The following RMDN2 variants were observed in gnomAD, a reference collection of about 807,000 sequenced individuals.
RMDN2 encodes regulator of microtubule dynamics protein 2.
Under a neutral mutation model 52.8 loss-of-function variants are expected in RMDN2, and 61 were observed. The observed-to-expected ratio is 1.16, with a 90% CI of 0.94 to 1.43. The LOEUF (loss-of-function observed/expected upper bound fraction) is 1.43, where lower values mean the gene tolerates loss of function less well. Ranked by LOEUF, RMDN2 falls within the 40% of genes most tolerant of loss-of-function variation. The probability of loss-of-function intolerance (pLI) is 0.00; values close to 1 mark genes in which losing one functional copy is unlikely to be tolerated. For missense variants in RMDN2, 592 were observed against 475.3 expected (o/e 1.25, Z -2.28); for synonymous variants, 180 against 153.1 (o/e 1.18, Z -1.30).
At chr2:38,024,527 CAAAT>C (rs1425837299) in intron 10 of RMDN2, among the ~76,000 whole-genome samples, 1 of 152,108 alleles carries the variant, frequency 6.6e-6, no homozygotes, top group Non-Finnish European at 1.5e-5. Context: ...TTTCTAATGA[CAAAT>C]GATGTTGAGC....
At chr2:38,002,108 T>A (rs1461755198) in intron 8 of RMDN2, among the ~76,000 whole-genome samples, 2 of 152,224 alleles carry the variant, frequency 1.3e-5, no homozygotes, top group Non-Finnish European at 2.9e-5. Flanking sequence ...CCTTCTCTTT[T>A]GGATTCTGTA....
intron 2 of RMDN2, among the ~76,000 whole-genome samples, chr2:37,948,307 G>A (rs1272515850): frequency 6.6e-6 from 1 of 152,178 alleles, no homozygotes; most frequent in African/African-American, 2.4e-5. Context: ...ATCCACATGA[G>A]CAATCATGAT....
intron 2 of RMDN2, among the ~76,000 whole-genome samples, chr2:37,957,666 A>G (rs1457564620): frequency 1.3e-5 from 2 of 151,974 alleles, no homozygotes; most frequent in South Asian, 2.1e-4. Flanking sequence ...CAATTTGTCT[A>G]TTTTTACTTT....
At chr2:37,952,258 T>C (rs763586086) in intron 2 of RMDN2, 36 of 1,516,684 alleles carry the variant, frequency 2.4e-5, no homozygotes, top group Non-Finnish European at 3.2e-5. Flanking sequence ...TTCCCACCAG[T>C]CACTTTCATA....
intron 2 of RMDN2, among the ~76,000 whole-genome samples, chr2:37,945,323 A>G (rs1397977643): frequency 6.6e-6 from 1 of 152,196 alleles, no homozygotes; most frequent in African/African-American, 2.4e-5. Flanking sequence ...TATGAACTAT[A>G]CTCTTGTAGA....
intron 2 of RMDN2, among the ~76,000 whole-genome samples, chr2:37,931,745 G>A (rs1271182940): frequency 6.6e-6 from 1 of 151,628 alleles, no homozygotes; most frequent in Non-Finnish European, 1.5e-5. Context: ...GTGGGTTCAA[G>A]AAGGATTTGT....
intron 2 of RMDN2, among the ~76,000 whole-genome samples, chr2:37,960,701 T>A (rs1321791775): frequency 6.6e-6 from 1 of 152,256 alleles, no homozygotes; most frequent in Non-Finnish European, 1.5e-5. Context: ...TTAAGGTTAA[T>A]ATTGTTATAT....
intron 10 of RMDN2, among the ~76,000 whole-genome samples, chr2:38,054,889 C>T (rs1681794455): frequency 6.6e-6 from 1 of 152,144 alleles, no homozygotes; most frequent in African/African-American, 2.4e-5. Flanking sequence ...AAGGGCTCTG[C>T]TCTCTCAAAA....
In RMDN2 at chr2:38,043,537, A is replaced by G. The variant is rs556525510; in HGVS notation, c.1714-23445A>G. On this transcript the variant is annotated intron_variant, in intron 10 of 10. Coordinates refer to the RMDN2 transcript ENST00000234195. ...TATCCACCTTGTTTGTAACTTATAT[A>G]TTCATTGCACTTGTTCTTTGTTTCC... 5.9e-5 allele frequency among the ~76,000 whole-genome samples: 9 copies of G among 152,198 alleles called. No individual in the cohort carries two copies. The South Asian group carries it at 6.2e-4, about 11-fold the overall frequency.
At chr2:37,991,138 T>C (rs17021813) in intron 6 of RMDN2, 82 bp from the exon 7 acceptor site, 89,790 of 623,386 alleles carry the variant, frequency 0.14, 11,357 homozygotes, top group East Asian at 0.57. Context: ...AAAACCACTT[T>C]TGAGTTACTA....
intron 2 of RMDN2, among the ~76,000 whole-genome samples, chr2:37,944,098 C>T (rs1668022293): frequency 6.6e-6 from 1 of 152,092 alleles, no homozygotes; most frequent in African/African-American, 2.4e-5. Flanking sequence ...GTAACTGCAC[C>T]ACCCAAGTTT....
At position 38,026,492 on chromosome 2, in the gene RMDN2, T is replaced by C. The variant is rs183891878; in HGVS notation, c.1713+22276T>C. 7.9e-5 allele frequency among the ~76,000 whole-genome samples: 12 copies of C among 152,302 alleles called. No homozygotes were observed. The East Asian group carries it at 2.3e-3, about 29-fold the overall frequency. On this transcript the variant is annotated intron_variant, in intron 10 of 10. Transcript: ENST00000234195. ...TATTTTCTATTTCATTGATTTCCAC[T>C]CTCAACTTTATCATTTTCTTCCTTC...
chr2:37,941,953 A>T (rs962472119), intron 2 of RMDN2, among the ~76,000 whole-genome samples: 3 of 151,966 alleles, frequency 2.0e-5, no homozygotes, highest in Admixed American at 6.5e-5. Context: ...AAAAAAAAAA[A>T]AAAAAATTCC....
intron 2 of RMDN2, among the ~76,000 whole-genome samples, chr2:37,939,477 T>C (rs761844980): frequency 6.6e-6 from 1 of 152,228 alleles, no homozygotes; most frequent in Non-Finnish European, 1.5e-5. Context: ...ATTTGTCTAA[T>C]ATTGACAGTG....
At chr2:38,048,013 G>T (rs1681377071) in intron 10 of RMDN2, among the ~76,000 whole-genome samples, 1 of 152,206 alleles carries the variant, frequency 6.6e-6, no homozygotes, top group Non-Finnish European at 1.5e-5. Flanking sequence ...GAAGGATTGA[G>T]GTTAGCCAGA....
chr2:38,025,648 G>T (rs1442635938), intron 10 of RMDN2, among the ~76,000 whole-genome samples: 1 of 151,746 alleles, frequency 6.6e-6, no homozygotes, highest in Admixed American at 6.6e-5. Context: ...GCTCTCTTTT[G>T]TTCTTATTTT....
chr2:38,019,079 G>C (rs1421706898), downstream of RMDN2, among the ~76,000 whole-genome samples: 5 of 152,218 alleles, frequency 3.3e-5, no homozygotes, highest in Non-Finnish European at 7.3e-5. Context: ...GATGGGGCAA[G>C]AGTCTTGCAG....
rs78590337 is a variant in RMDN2 at position 37,985,099 on chromosome 2, T to A, written c.791+3756T>A. Among the ~76,000 whole-genome samples the A allele has an allele frequency of 9.1e-4, 138 of 152,302 alleles. 2 individuals carry two copies. The East Asian group carries it at 0.022, about 25-fold the overall frequency. On this transcript the variant is annotated intron_variant, in intron 5 of 10. Transcript: ENST00000354545. The stretch of plus-strand genomic sequence containing the variant: ...AAGGGAAAATGTACATATTTCATAT[T>A]ATGGTATTTATAAATCATGGGGTTT...
chr2:37,970,207 C>T (rs1488212822), intron 2 of RMDN2, among the ~76,000 whole-genome samples: 1 of 152,112 alleles, frequency 6.6e-6, no homozygotes, highest in African/African-American at 2.4e-5. Context: ...GAATATACCG[C>T]ACCTGGCTGC....
Sources: allele counts gnomAD v4.1 joint callset (sites outside exome capture counted in the v4.1 genomes callset), GRCh38; gene constraint gnomAD v4.1.1; transcripts MANE v1.5; gene names NCBI Gene and HGNC (gene_info 2026-07-23, HGNC 2026-07-21).